NCAPD3: variants seen among roughly 807,000 people sequenced by gnomAD.
The protein encoded by NCAPD3 is non-SMC condensin II complex subunit D3.
A neutral mutation model predicts 182.9 loss-of-function variants in NCAPD3; 105 were observed. The observed-to-expected ratio is 0.57, with a 90% CI of 0.49 to 0.68. The LOEUF (loss-of-function observed/expected upper bound fraction) is 0.68. Among genes scored for constraint, NCAPD3 ranks in the 30% least tolerant of loss-of-function variants. The pLI, the probability that NCAPD3 is intolerant of heterozygous loss-of-function variation, is 0.00. For synonymous variants in NCAPD3, 815 were observed against 679.9 expected (o/e 1.20, Z -3.09); for missense variants, 1,944 against 1,837.0 (o/e 1.06, Z -1.07).
chr11:134,157,232 T>C lies in NCAPD3; in HGVS notation c.4175-137A>G, dbSNP rs975111654. 5 of 590,166 alleles carry C rather than the reference T, an allele frequency of 8.5e-6. No individual in the cohort carries two copies. In the African/African-American group the frequency reaches 9.4e-5, roughly 11 times the overall value. 36.6% of individuals were successfully genotyped at this position (590,166 alleles called of 1,614,324 possible). On this transcript the variant is annotated intron_variant, in intron 31 of 34. Coordinates refer to ENST00000534548, the MANE Select transcript of NCAPD3 (RefSeq NM_015261.3). ...TTACAATTTTCTTATAAAGAGGCAA[T>C]TCAGGAAGAAATACAAATAAATGAT... is the stretch of plus-strand genomic sequence containing the variant.
chr11:134,169,929 G>C (rs1943965773), intron 24 of NCAPD3, among the ~76,000 whole-genome samples: 1 of 152,142 alleles, frequency 6.6e-6, no homozygotes, highest in Admixed American at 6.5e-5. Flanking sequence ...ACCCACACAG[G>C]AGCACCAGTC....
intron 14 of NCAPD3, 90 bp downstream of exon 14, chr11:134,194,575 A>G (rs1944587506): frequency 1.2e-6 from 1 of 857,072 alleles, no homozygotes; most frequent in African/African-American, 1.7e-5. Flanking sequence ...AAATTAAGTA[A>G]TGAATATGGC....
At chr11:134,224,256 G>C, upstream of NCAPD3, 1 of 457,496 alleles carries the variant, frequency 2.2e-6, no homozygotes, top group Non-Finnish European at 3.9e-6. Flanking sequence ...AAGGGTATCT[G>C]AGATAGGGTA....
At chr11:134,153,884 T>C (rs1221068709) in intron 32 of NCAPD3, 2 of 169,570 alleles carry the variant, frequency 1.2e-5, no homozygotes, top group African/African-American at 4.8e-5. Context: ...CCTCATCCTG[T>C]CCCGTCGTGC....
At chr11:134,221,609 G>A (rs564871141) in intron 1 of NCAPD3, among the ~76,000 whole-genome samples, 1 of 152,066 alleles carries the variant, frequency 6.6e-6, no homozygotes, top group Non-Finnish European at 1.5e-5. Flanking sequence ...CTAAAATTAG[G>A]ACTAGATGGA....
At chr11:134,224,148 C>A (rs997639187), upstream of NCAPD3, 4 of 604,242 alleles carry the variant, frequency 6.6e-6, no homozygotes, top group African/African-American at 7.5e-5. Context: ...AAGGCTCCTG[C>A]GGGTGTTCCG....
At chr11:134,207,906 T>C (rs1487012523) in intron 7 of NCAPD3, among the ~76,000 whole-genome samples, 1 of 152,194 alleles carries the variant, frequency 6.6e-6, no homozygotes, top group Non-Finnish European at 1.5e-5. Flanking sequence ...ACAGAAGTGA[T>C]AAAGATACTA....
chr11:134,175,352 A>T (rs1246173504), intron 24 of NCAPD3, among the ~76,000 whole-genome samples: 1 of 152,234 alleles, frequency 6.6e-6, no homozygotes, highest in Non-Finnish European at 1.5e-5. Context: ...TTGTGAAGGT[A>T]AGAGGGTGTG....
chr11:134,181,273 C>CT, intron 19 of NCAPD3, 89 bp from the exon 20 acceptor site: 1 of 842,196 alleles, frequency 1.2e-6, no homozygotes, highest in Non-Finnish European at 1.9e-6. Flanking sequence ...AAACTATGAT[C>CT]TTCAAATGGA....
intron 29 of NCAPD3, 71 bp downstream of exon 29, chr11:134,159,821 G>A (rs1943527006): frequency 1.5e-6 from 2 of 1,365,764 alleles, no homozygotes; most frequent in Non-Finnish European, 2.0e-6. Context: ...AGAGGTGCCA[G>A]ACAAACGACA....
chr11:134,157,595 C>T (rs776686258), intron 31 of NCAPD3, among the ~76,000 whole-genome samples: 1 of 152,194 alleles, frequency 6.6e-6, no homozygotes, highest in Non-Finnish European at 1.5e-5. Context: ...TCTACTACAT[C>T]TGACTTAAGA....
intron 17 of NCAPD3, 35 bp from the exon 18 acceptor site, chr11:134,185,035 G>C: frequency 4.7e-6 from 7 of 1,492,738 alleles, no homozygotes; most frequent in Non-Finnish European, 6.5e-6. Context: ...GAAGGGAGAA[G>C]CAAGTTAAAC....
chr11:134,216,746 A>T (rs897369913), intron 3 of NCAPD3, among the ~76,000 whole-genome samples, 190 bp downstream of exon 3: 1 of 152,026 alleles, frequency 6.6e-6, no homozygotes, highest in African/African-American at 2.4e-5. Context: ...GAAAAAAAAA[A>T]GGGGGAAGGT....
At position 134,216,884 on chromosome 11, in the gene NCAPD3, T is replaced by C. The variant is rs751840794; in HGVS notation, c.382+52A>G. ...AACAAAGTATAAGAATTGAAAACTG[T>C]AGAAAGAAAAAAATGACAGAAGATT... On this transcript the variant is annotated intron_variant, in intron 3 of 34. Coordinates refer to ENST00000534548, the MANE Select transcript of NCAPD3 (RefSeq NM_015261.3). The C allele has an allele frequency of 3.9e-6, 6 of 1,520,802 alleles. No homozygotes were observed. In the South Asian group the frequency reaches 6.4e-5, roughly 16 times the overall value. 94.2% of individuals were successfully genotyped at this position (1,520,802 alleles called of 1,614,324 possible).
chr11:134,217,246 G>A lies in NCAPD3; in HGVS notation c.220-148C>T. 1.4e-5 allele frequency: 8 copies of A among 569,288 alleles called. No homozygotes were observed. The South Asian group carries it at 1.6e-4, about 11-fold the overall frequency. 35.3% of individuals were successfully genotyped at this position (569,288 alleles called of 1,614,324 possible). ...TGCTAAATGTTTACCATCTTCAAAG[G>A]GACTGAAACAAAATATCAAAATTAA... On this transcript the variant is annotated intron_variant, in intron 2 of 34. Transcript: ENST00000534548.
intron 13 of NCAPD3, among the ~76,000 whole-genome samples, chr11:134,197,652 T>C (rs1159175506): frequency 6.6e-6 from 1 of 152,140 alleles, no homozygotes; most frequent in Non-Finnish European, 1.5e-5. Context: ...ACACCAAAAT[T>C]CTCAACAAAA....
At chr11:134,218,787 C>T (rs569495592) in intron 2 of NCAPD3, among the ~76,000 whole-genome samples, 6 of 152,216 alleles carry the variant, frequency 3.9e-5, no homozygotes, top group African/African-American at 1.4e-4. Flanking sequence ...ATTGTAACTC[C>T]GGATCATGCC....
intron 24 of NCAPD3, among the ~76,000 whole-genome samples, chr11:134,174,009 GAAC>G (rs2135969322): frequency 6.6e-6 from 1 of 150,556 alleles, no homozygotes; most frequent in East Asian, 2.0e-4. Flanking sequence ...ACAAAACCCA[GAAC>G]CTCTAAGAAA....
At position 134,206,644 on chromosome 11, in the gene NCAPD3, G is replaced by GT; in HGVS notation, c.970dup (p.Thr324AsnfsTer8). On this transcript the variant is annotated frameshift_variant, in exon 8 of 35. Transcript: ENST00000534548. LOFTEE classifies it high-confidence loss of function. The stretch of plus-strand genomic sequence containing the variant: ...GTTTCTACAGTTGATGACTTGGGAG[G>GT]TAACAGCAAGGGGGGCACGATGGGA... 1 of 1,613,688 alleles carries GT rather than the reference G, an allele frequency of 6.2e-7. No individual in the cohort carries two copies. Among genetic ancestry groups the GT allele is most frequent in the Non-Finnish European group, 8.5e-7 (1 of 1,179,862 alleles).
Sources: allele counts gnomAD v4.1 joint callset (sites outside exome capture counted in the v4.1 genomes callset), GRCh38; gene constraint gnomAD v4.1.1; transcripts MANE v1.5; gene names NCBI Gene and HGNC (gene_info 2026-07-23, HGNC 2026-07-21).